OR14A16: variants seen among roughly 807,000 people sequenced by gnomAD.
OR14A16 encodes olfactory receptor family 14 subfamily A member 16.
For missense variants in OR14A16, 341 were observed against 366.5 expected (o/e 0.93, Z 0.57); for synonymous variants, 135 against 137.6 (o/e 0.98, Z 0.13).
chr1:247,815,097 G>T lies in OR14A16; in HGVS notation c.633C>A (p.Val211=). The T allele has an allele frequency of 6.2e-7, 1 of 1,613,844 alleles. No homozygotes were observed. Among genetic ancestry groups the T allele is most frequent in the Non-Finnish European group, 8.5e-7 (1 of 1,179,766 alleles). The part of the protein sequence containing the change: ...NVVLDFCCFI[V]IIITYVHVFS... ...AGACGTGGACATAGGTAATGATGAT[G>T]ACAATAAAACAGCAGAAATCCAAAA... Residue 211 remains valine (V), a synonymous_variant, in exon 3 of 3, where the codon GTC becomes GTA. Coordinates refer to ENST00000641093, the MANE Select transcript of OR14A16 (RefSeq NM_001001966.2).
chr1:247,819,961 T>C (rs1429057912), intron 1 of OR14A16, among the ~76,000 whole-genome samples: 3 of 152,268 alleles, frequency 2.0e-5, no homozygotes, highest in Non-Finnish European at 4.4e-5. Flanking sequence ...TAAATGCCTT[T>C]TCAGAATCTA....
At chr1:247,823,313 G>C (rs979769553) in intron 1 of OR14A16, among the ~76,000 whole-genome samples, 1 of 152,104 alleles carries the variant, frequency 6.6e-6, no homozygotes, top group African/African-American at 2.4e-5. Context: ...AACCTGGAGA[G>C]ACCCCCATTT....
chr1:247,823,171 G>T (rs1662772059), intron 1 of OR14A16, among the ~76,000 whole-genome samples: 1 of 151,954 alleles, frequency 6.6e-6, no homozygotes, highest in African/African-American at 2.4e-5. Flanking sequence ...TTGAGGTGAA[G>T]ATCTAGAGTT....
At chr1:247,815,766 G>T in intron 2 of OR14A16, 22 bp from the exon 3 acceptor site, 1 of 1,025,978 alleles carries the variant, frequency 9.7e-7, no homozygotes, top group Non-Finnish European at 1.4e-6. Flanking sequence ...GGAGAAGACT[G>T]AAGTAAAATA....
intron 2 of OR14A16, among the ~76,000 whole-genome samples, chr1:247,817,076 C>G (rs564207390): frequency 6.6e-6 from 1 of 152,102 alleles, no homozygotes; most frequent in Non-Finnish European, 1.5e-5. Context: ...GTTATTCATT[C>G]GTATTGCAGT....
intron 1 of OR14A16, among the ~76,000 whole-genome samples, chr1:247,823,546 C>T (rs1662783109): frequency 6.6e-6 from 1 of 152,082 alleles, no homozygotes; most frequent in African/African-American, 2.4e-5. Flanking sequence ...GTTACCCCAA[C>T]ATCTAGCATG....
At chr1:247,823,889 A>G (rs1662791585) in intron 1 of OR14A16, 64 bp downstream of exon 1, 1 of 152,198 alleles carries the variant, frequency 6.6e-6, no homozygotes, top group Admixed American at 6.5e-5. Context: ...TAATATTCAT[A>G]TTGTTCTAAG....
rs746074521 is a variant in OR14A16, at chr1:247,814,763, A to G, written c.*37T>C. The G allele has an allele frequency of 4.4e-6, 5 of 1,140,464 alleles. No homozygotes were observed. In the East Asian group the frequency reaches 9.6e-5, roughly 22 times the overall value. 70.6% of individuals were successfully genotyped at this position (1,140,464 alleles called of 1,614,324 possible). A position where few individuals can be genotyped will look rare whatever the true frequency, so the allele number is the denominator to read the frequency against. Reference sequence around the variant, plus strand: ...AAGAATTAATGTGTGTACATTATAAATGGTATCTATTATTGAAAGAAGAAA... The same window carrying G: ...AAGAATTAATGTGTGTACATTATAAGTGGTATCTATTATTGAAAGAAGAAA... On this transcript the variant is annotated 3_prime_UTR_variant, in exon 3 of 3. Coordinates refer to ENST00000641093, the MANE Select transcript of OR14A16 (RefSeq NM_001001966.2).
At chr1:247,818,423 A>T (rs2103283916) in intron 2 of OR14A16, among the ~76,000 whole-genome samples, 1 of 152,344 alleles carries the variant, frequency 6.6e-6, no homozygotes, top group Non-Finnish European at 1.5e-5. Context: ...TATATCAGAG[A>T]GGTATTTGCA....
chr1:247,815,670 A>G lies in OR14A16; in HGVS notation c.60T>C (p.Asn20=). 2.5e-6 allele frequency: 4 copies of G among 1,611,204 alleles called. No individual in the cohort carries two copies. The South Asian group carries it at 4.4e-5, about 18-fold the overall frequency. The change falls in exon 3 of 3, where the codon AAT becomes AAC. Residue 20 remains asparagine, a synonymous_variant. Coordinates refer to ENST00000641093, the MANE Select transcript of OR14A16 (RefSeq NM_001001966.2). ...FILMGFSTNK[N]MCILHSILFL... ...AGAGAATCGAATGCAAAATGCACAT[A>G]TTTTTATTGGTAGAAAACCCCATAA...
Position 247,814,765 on chromosome 1 carries a change from G to T in OR14A16, c.*35C>A, listed in dbSNP as rs553466353. On this transcript the variant is annotated 3_prime_UTR_variant, in exon 3 of 3. Transcript: ENST00000641093. The stretch of plus-strand genomic sequence containing the variant: ...GAATTAATGTGTGTACATTATAAAT[G>T]GTATCTATTATTGAAAGAAGAAAAG... 1.7e-6 allele frequency: 2 copies of T among 1,146,202 alleles called. No individual in the cohort carries two copies. The highest frequency in any genetic ancestry group is 3.6e-5 in the South Asian group (2 of 55,066). 71.0% of individuals were successfully genotyped at this position (1,146,202 alleles called of 1,614,324 possible).
chr1:247,815,924 A>T (rs1490601917), intron 2 of OR14A16, among the ~76,000 whole-genome samples, 180 bp from the exon 3 acceptor site: 1 of 152,224 alleles, frequency 6.6e-6, no homozygotes, highest in Non-Finnish European at 1.5e-5. Flanking sequence ...TGCATTGATC[A>T]CCAAGCATTT....
intron 1 of OR14A16, among the ~76,000 whole-genome samples, chr1:247,822,170 C>G (rs1432236815): frequency 6.6e-6 from 1 of 152,106 alleles, no homozygotes; most frequent in Non-Finnish European, 1.5e-5. Context: ...ACTGGATTAA[C>G]AGAGGCTTAG....
chr1:247,822,286 T>G (rs1442689722), intron 1 of OR14A16, among the ~76,000 whole-genome samples: 2 of 101,464 alleles, frequency 2.0e-5, no homozygotes, highest in East Asian at 7.5e-4. Context: ...CTTAATGCCC[T>G]TAATGGGGCT....
Position 247,818,304 on chromosome 1 carries a change from C to T in OR14A16, c.-16+759G>A, listed in dbSNP as rs77857771. 8.2e-3 allele frequency among the ~76,000 whole-genome samples: 1,255 copies of T among 152,150 alleles called. 18 individuals are homozygous for T. The highest frequency in any genetic ancestry group is 0.011 in the Non-Finnish European group (731 of 67,972). On this transcript the variant is annotated intron_variant, in intron 2 of 2. Transcript: ENST00000641093. Reference sequence around the variant, plus strand: ...CTGTTGGAGGGAATGTAAATTAGAACAGCCACTATGGACAACAGTATGGAG... The same window carrying T: ...CTGTTGGAGGGAATGTAAATTAGAATAGCCACTATGGACAACAGTATGGAG...
rs35415698 is a variant in OR14A16, at chr1:247,820,860, CAA to C, written c.-130-1685_-130-1684del. 6.2e-4 allele frequency among the ~76,000 whole-genome samples: 75 copies of C among 120,814 alleles called. 1 individual carries two copies. The highest frequency in any genetic ancestry group is 2.4e-3 in the Admixed American group (28 of 11,472). 79.3% of individuals were successfully genotyped at this position (120,814 alleles called of 152,430 possible). On this transcript the variant is annotated intron_variant, in intron 1 of 2. Transcript: ENST00000641093. Reference sequence around the variant, plus strand: ...AAGCAACAAGAGTAAAGCACCGTCTCAAAAAAAAAAAAAAAAATCTTTATTTT... The same window carrying C: ...AAGCAACAAGAGTAAAGCACCGTCTCAAAAAAAAAAAAAAATCTTTATTTT...
chr1:247,822,147 G>A (rs987108080), intron 1 of OR14A16, among the ~76,000 whole-genome samples: 1 of 151,912 alleles, frequency 6.6e-6, no homozygotes, highest in Non-Finnish European at 1.5e-5. Flanking sequence ...GTTAATTTTA[G>A]GTGTCAAACT....
chr1:247,814,937 A>G lies in OR14A16; in HGVS notation c.793T>C (p.Ser265Pro). 1 of 1,613,964 alleles carries G rather than the reference A, an allele frequency of 6.2e-7. No individual in the cohort carries two copies. The highest frequency in any genetic ancestry group is 1.3e-5 in the African/African-American group (1 of 75,004). ...AYLKPASESP[S>P]ILDAVISVFY... ...ACAGAAATTACAGCATCCAAAATAG[A>G]AGGAGACTCTGAAGCTGGCTTCAGA... Residue 265 changes from serine to proline, a missense_variant, in exon 3 of 3, where the codon TCT becomes CCT. Transcript: ENST00000641093.
chr1:247,816,361 A>T (rs904798425), intron 2 of OR14A16, among the ~76,000 whole-genome samples: 5 of 152,198 alleles, frequency 3.3e-5, no homozygotes, highest in African/African-American at 1.2e-4. Context: ...CTTTTTTAAC[A>T]CCATAATTTG....
Sources: gnomAD v4.1 joint callset for allele counts (sites outside exome capture counted in the v4.1 genomes callset) on GRCh38, gnomAD v4.1.1 for gene constraint, MANE v1.5 for transcripts, NCBI Gene and HGNC (gene_info 2026-07-23, HGNC 2026-07-21) for gene names.